The following TMEM163 variants were observed in gnomAD, a reference collection of about 807,000 sequenced individuals.
TMEM163 encodes transmembrane protein 163.
Under a neutral mutation model 29.3 loss-of-function variants are expected in TMEM163, and 17 were observed. The observed-to-expected ratio is 0.58, with a 90% confidence interval of 0.40 to 0.87. The LOEUF (loss-of-function observed/expected upper bound fraction) is 0.87, where lower values mean the gene tolerates loss of function less well. Ranked by LOEUF, TMEM163 falls within the 40% of genes least tolerant of loss-of-function variation. The pLI is 0.00. For missense variants in TMEM163, 303 were observed against 381.5 expected, an observed-to-expected ratio of 0.79 and a Z score of 1.71; for synonymous variants, 157 against 160.6, an observed-to-expected ratio of 0.98 and a Z score of 0.17.
chr2:134,629,045 CT>C (rs1479772940), intron 2 of TMEM163, among the ~76,000 whole-genome samples: 1 of 152,206 alleles, frequency 6.6e-6, no homozygotes, highest in Non-Finnish European at 1.5e-5. Context: ...TCTTAAAAAG[CT>C]ATCTTGGATT....
In TMEM163 at chr2:134,455,976, A is replaced by T. The variant is rs2106469708; in HGVS notation, c.*740T>A. ...ACCACTTAACACAGCATATAGATAT[A>T]TGCATATACGGATAGATTATATTTA... On this transcript the variant is annotated 3_prime_UTR_variant, in exon 8 of 8. Transcript: ENST00000281924. 1 of 152,810 alleles carries T rather than the reference A, an allele frequency of 6.5e-6. No homozygotes were observed. The highest frequency in any genetic ancestry group is 2.1e-4 in the South Asian group (1 of 4,830). 9.5% of individuals were successfully genotyped at this position (152,810 alleles called of 1,614,324 possible). A position where few individuals can be genotyped will look rare whatever the true frequency, so the allele number is the denominator to read the frequency against.
At chr2:134,494,914 C>T (rs141379657) in intron 5 of TMEM163, among the ~76,000 whole-genome samples, 205 of 152,266 alleles carry the variant, frequency 1.3e-3, no homozygotes, top group African/African-American at 4.5e-3. Context: ...AGAAGACCCC[C>T]GGCAGACACG....
chr2:134,689,388 A>G (rs1226889176), intron 2 of TMEM163, among the ~76,000 whole-genome samples: 1 of 152,180 alleles, frequency 6.6e-6, no homozygotes, highest in Non-Finnish European at 1.5e-5. Flanking sequence ...GATTACAGGC[A>G]TGAGCCACCA....
Position 134,465,506 on chromosome 2 carries a change from G to A in TMEM163, c.667+608C>T, listed in dbSNP as rs149587629. ...TTGTCTACACATCAGTGATATCAGC[G>A]AGTCTGGGGCCTGAAACGTACTTTT... is the stretch of plus-strand genomic sequence containing the variant. On this transcript the variant is annotated intron_variant, in intron 6 of 7. Coordinates refer to ENST00000281924, the MANE Select transcript of TMEM163 (RefSeq NM_030923.5). 1.3e-3 allele frequency among the ~76,000 whole-genome samples: 199 copies of A among 152,252 alleles called. 3 individuals carry two copies. The highest frequency in any genetic ancestry group is 8.8e-3 in the Admixed American group (135 of 15,294).
chr2:134,691,376 TG>T (rs1684462409), intron 2 of TMEM163, among the ~76,000 whole-genome samples: 2 of 152,300 alleles, frequency 1.3e-5, no homozygotes, highest in South Asian at 4.1e-4. Context: ...GAAGCCCTTG[TG>T]GCTGTACTGA....
intron 2 of TMEM163, among the ~76,000 whole-genome samples, chr2:134,685,798 CT>C (rs1477638116): frequency 2.6e-5 from 4 of 152,182 alleles, no homozygotes; most frequent in African/African-American, 9.7e-5. Flanking sequence ...CTCATAGATT[CT>C]TGGGTATGAT....
chr2:134,681,743 A>C (rs2104875979), intron 2 of TMEM163, among the ~76,000 whole-genome samples: 1 of 152,268 alleles, frequency 6.6e-6, no homozygotes, highest in African/African-American at 2.4e-5. Flanking sequence ...TGGCAACTTC[A>C]ATCAGGGTGT....
chr2:134,534,384 T>C (rs893860440), intron 4 of TMEM163, among the ~76,000 whole-genome samples: 3 of 152,122 alleles, frequency 2.0e-5, no homozygotes, highest in African/African-American at 7.2e-5. Context: ...GATGCAGATG[T>C]TGACCTGAAA....
intron 2 of TMEM163, among the ~76,000 whole-genome samples, chr2:134,601,333 C>T (rs1682226991): frequency 1.3e-5 from 2 of 152,178 alleles, no homozygotes; most frequent in South Asian, 2.1e-4. Flanking sequence ...GGAAAAATAA[C>T]ACCAGCCTTC....
rs368620614 is a variant in TMEM163, at chr2:134,623,303, C to CA, written c.323-71213dup. Reference sequence around the variant, plus strand: ...CAGACAAATTCTGATGGCAGCCACTCACCCGAGTCTACATACCCAATCTTA... The same window carrying CA: ...CAGACAAATTCTGATGGCAGCCACTCAACCCGAGTCTACATACCCAATCTTA... On this transcript the variant is annotated intron_variant, in intron 2 of 7. Transcript: ENST00000281924. Among the ~76,000 whole-genome samples the CA allele has an allele frequency of 2.2e-4, 33 of 152,276 alleles. 1 individual carries two copies. The highest frequency in any genetic ancestry group is 3.4e-3 in the Middle Eastern group (1 of 294).
intron 5 of TMEM163, among the ~76,000 whole-genome samples, chr2:134,487,946 CCTT>C (rs1679347608): frequency 6.6e-6 from 1 of 151,994 alleles, no homozygotes; most frequent in Non-Finnish European, 1.5e-5. Context: ...GGGCAATAGA[CCTT>C]CTTAAACCTC....
chr2:134,657,546 T>TACAG (rs57935192), intron 2 of TMEM163, among the ~76,000 whole-genome samples: 22,631 of 152,054 alleles, frequency 0.15, 2,452 homozygotes, highest in African/African-American at 0.31. Context: ...CGCATGCCTG[T>TACAG]AATCCCAACA....
intron 2 of TMEM163, among the ~76,000 whole-genome samples, chr2:134,575,765 GTTTGA>G (rs1190187703): frequency 6.6e-6 from 1 of 152,140 alleles, no homozygotes; most frequent in African/African-American, 2.4e-5. Flanking sequence ...GATGAACCTA[GTTTGA>G]TTTAAGTTAG....
At chr2:134,637,515 T>C (rs938652285) in intron 2 of TMEM163, among the ~76,000 whole-genome samples, 1 of 152,242 alleles carries the variant, frequency 6.6e-6, no homozygotes, top group Non-Finnish European at 1.5e-5. Flanking sequence ...ACATAAATTA[T>C]TGTAAAATAA....
At chr2:134,665,622 C>A (rs922401731) in intron 2 of TMEM163, among the ~76,000 whole-genome samples, 1 of 152,086 alleles carries the variant, frequency 6.6e-6, no homozygotes, top group African/African-American at 2.4e-5. Flanking sequence ...CAGAACAGTG[C>A]AATACTAGGT....
At chr2:134,589,391 T>C (rs949060087) in intron 2 of TMEM163, among the ~76,000 whole-genome samples, 6 of 152,192 alleles carry the variant, frequency 3.9e-5, no homozygotes, top group African/African-American at 1.4e-4. Flanking sequence ...CACAAAGACC[T>C]TGCTGATAAA....
At chr2:134,694,281 C>A (rs949702998) in intron 2 of TMEM163, among the ~76,000 whole-genome samples, 2 of 152,166 alleles carry the variant, frequency 1.3e-5, no homozygotes, top group African/African-American at 2.4e-5. Context: ...GCAACATAAA[C>A]TGGGTCTCGC....
chr2:134,616,067 G>T (rs565101298), intron 2 of TMEM163, among the ~76,000 whole-genome samples: 1 of 152,306 alleles, frequency 6.6e-6, no homozygotes, highest in South Asian at 2.1e-4. Flanking sequence ...GTATGATTCG[G>T]GAGGTAAAGC....
chr2:134,550,736 T>TGCTGTGACTCAGAACATCTGC, intron 3 of TMEM163, 75 bp from the exon 4 acceptor site: 2 of 1,407,506 alleles, frequency 1.4e-6, no homozygotes, highest in Non-Finnish European at 2.0e-6. Flanking sequence ...AGGACAACTG[T>TGCTGTGACTCAGAACATCTGC]GCTGTGACTC....
Sources: allele counts gnomAD v4.1 joint callset (sites outside exome capture counted in the v4.1 genomes callset), GRCh38; gene constraint gnomAD v4.1.1; transcripts MANE v1.5; gene names NCBI Gene and HGNC (gene_info 2026-07-23, HGNC 2026-07-21).